MYOM3: variants seen among roughly 807,000 people sequenced by gnomAD.
The protein encoded by MYOM3 is myomesin 3.
MYOM3 carries 155 observed loss-of-function variants against 191.7 expected under a neutral mutation model. The observed-to-expected ratio is 0.81, with a 90% CI of 0.71 to 0.92. The LOEUF (loss-of-function observed/expected upper bound fraction) is 0.92. MYOM3 is among the 40% of genes least tolerant of loss of function. The pLI is 0.00. For missense variants in MYOM3, 1,889 were observed against 1,890.6 expected, an observed-to-expected ratio of 1.00 and a Z score of 0.02; for synonymous variants, 757 against 762.9, an observed-to-expected ratio of 0.99 and a Z score of 0.13.
chr1:24,081,101 G>A (rs957362638), intron 19 of MYOM3, among the ~76,000 whole-genome samples: 8 of 152,248 alleles, frequency 5.3e-5, no homozygotes, highest in African/African-American at 1.9e-4. Flanking sequence ...TTGTGCTGGG[G>A]ATACAGGGCC....
chr1:24,082,748 C>A (rs1243889025), intron 16 of MYOM3, 34 bp from the exon 17 acceptor site: 1 of 1,558,952 alleles, frequency 6.4e-7, no homozygotes. Context: ...CATGGATGTA[C>A]AAACAGCCTG....
In MYOM3 at chr1:24,081,357, A is replaced by T. The variant is rs1351215245; in HGVS notation, c.2380T>A (p.Cys794Ser). Reference sequence around the variant, plus strand: ...GGCTGGGGCATTGTCCACTCTTTGCACTCAAACAGGCTGCTGGGTGCCGAC... The same window carrying T: ...GGCTGGGGCATTGTCCACTCTTTGCTCTCAAACAGGCTGCTGGGTGCCGAC... ...ELSAPSSLFE[C>S]KEWTMPQPGP... Residue 794 changes from cysteine (C) to serine (S), a missense_variant, in exon 19 of 37, where the codon TGC becomes AGC. Coordinates refer to ENST00000374434, the MANE Select transcript of MYOM3 (RefSeq NM_152372.4). 1.2e-6 allele frequency: 2 copies of T among 1,614,058 alleles called. No individual in the cohort carries two copies. Among genetic ancestry groups the T allele is most frequent in the Non-Finnish European group, 1.7e-6 (2 of 1,180,030 alleles).
At chr1:24,103,153 C>G (rs74525863) in intron 5 of MYOM3, among the ~76,000 whole-genome samples, 4 of 152,238 alleles carry the variant, frequency 2.6e-5, no homozygotes, top group Non-Finnish European at 5.9e-5. Flanking sequence ...TCCAAGAATG[C>G]CTTCAATGTG....
chr1:24,072,750 G>A (rs576510648), intron 23 of MYOM3, among the ~76,000 whole-genome samples: 1 of 152,100 alleles, frequency 6.6e-6, no homozygotes, highest in South Asian at 2.1e-4. Flanking sequence ...GGCCAGGCTG[G>A]TCTTGAACTC....
intron 24 of MYOM3, among the ~76,000 whole-genome samples, chr1:24,071,665 T>G (rs1254462457): frequency 6.6e-6 from 1 of 152,174 alleles, no homozygotes; most frequent in Non-Finnish European, 1.5e-5. Context: ...GTACACACTG[T>G]CCCTAGCCAA....
intron 23 of MYOM3, among the ~76,000 whole-genome samples, chr1:24,072,413 C>T (rs1356554008): frequency 1.3e-5 from 2 of 152,212 alleles, no homozygotes; most frequent in Admixed American, 1.3e-4. Flanking sequence ...CCTTATTGCT[C>T]ACCCCTGTCA....
intron 20 of MYOM3, among the ~76,000 whole-genome samples, chr1:24,078,927 C>T (rs768725569): frequency 6.6e-6 from 1 of 152,158 alleles, no homozygotes; most frequent in African/African-American, 2.4e-5. Flanking sequence ...GATTTTCTTA[C>T]CTCCTGCATG....
rs755017875 is a variant in MYOM3 at position 24,108,497 on chromosome 1, C to T, written c.140G>A (p.Arg47Gln). 39 of 1,575,808 alleles carry T rather than the reference C, an allele frequency of 2.5e-5. No homozygotes were observed. The highest frequency in any genetic ancestry group is 3.4e-4 in the Middle Eastern group (2 of 5,898). Reference protein sequence around the residue: ...QHSLRMGSSVRRRTFRSSEEE... With the variant: ...QHSLRMGSSVQRRTFRSSEEE... ...CCACCTGCTGCGGAAGGTCCGCCTC[C>T]GCACAGAGGAGCCCATGCGCAGGCT... The change falls in exon 2 of 37, where the codon CGG becomes CAG. Residue 47 changes from arginine to glutamine, a missense_variant. Transcript: ENST00000374434.
At chr1:24,081,920 C>G (rs1643674118) in intron 18 of MYOM3, 81 bp downstream of exon 18, 1 of 1,363,464 alleles carries the variant, frequency 7.3e-7, no homozygotes. Context: ...CAGCCTCTGT[C>G]AGACTCCAAG....
chr1:24,074,439 C>T (rs1041588397), intron 22 of MYOM3, among the ~76,000 whole-genome samples, 170 bp from the exon 23 acceptor site: 1 of 152,204 alleles, frequency 6.6e-6, no homozygotes, highest in Non-Finnish European at 1.5e-5. Flanking sequence ...TTAGGGTCCC[C>T]TCTGGCCTGA....
chr1:24,061,395 A>G (rs368321306), intron 33 of MYOM3, 86 bp from the exon 34 acceptor site: 3 of 1,346,340 alleles, frequency 2.2e-6, no homozygotes, highest in African/African-American at 2.9e-5. Context: ...AGCAAAGCTT[A>G]TCCCTGACTG....
intron 20 of MYOM3, 121 bp from the exon 21 acceptor site, chr1:24,076,394 C>A: frequency 1.5e-6 from 1 of 674,242 alleles, no homozygotes; most frequent in Non-Finnish European, 2.7e-6. Flanking sequence ...TGTCCCTCAT[C>A]TTTCCATGTG....
chr1:24,089,645 G>T lies in MYOM3; in HGVS notation c.1507C>A (p.Pro503Thr), dbSNP rs374303524. The T allele has an allele frequency of 1.3e-6, 2 of 1,587,718 alleles. No individual in the cohort carries two copies. Among genetic ancestry groups the T allele is most frequent in the African/African-American group, 2.7e-5 (2 of 74,664 alleles). Reference sequence around the variant, plus strand: ...TCGCTGGCATGGACATTGGTTGGCGGTGAGGGGATGGTCACAGTATCTGAA... The same window carrying T: ...TCGCTGGCATGGACATTGGTTGGCGTTGAGGGGATGGTCACAGTATCTGAA... ...AFEDTVTIPS[P>T]PTNVHASEIR... The change falls in exon 14 of 37, where the codon CCG becomes ACG. Residue 503 changes from proline (P) to threonine (T), a missense_variant. By Grantham distance (38) the Pro-to-Thr change is conservative. Coordinates refer to ENST00000374434, the MANE Select transcript of MYOM3 (RefSeq NM_152372.4).
At chr1:24,110,248 G>T (rs2148564113) in intron 1 of MYOM3, among the ~76,000 whole-genome samples, 1 of 152,318 alleles carries the variant, frequency 6.6e-6, no homozygotes, top group South Asian at 2.1e-4. Flanking sequence ...GAAGAGGGAT[G>T]ACCGCCTGCC....
intron 6 of MYOM3, among the ~76,000 whole-genome samples, chr1:24,098,551 G>A (rs575244523): frequency 3.3e-5 from 5 of 152,198 alleles, no homozygotes; most frequent in Non-Finnish European, 7.3e-5. Context: ...TCCATCCCAG[G>A]GGCACCCTGG....
At chr1:24,105,760 A>C (rs1164308081) in intron 5 of MYOM3, among the ~76,000 whole-genome samples, 160 bp downstream of exon 5, 1 of 152,192 alleles carries the variant, frequency 6.6e-6, no homozygotes, top group Non-Finnish European at 1.5e-5. Flanking sequence ...TCTAAAAAAA[A>C]TAACCCAGGC....
intron 5 of MYOM3, 78 bp from the exon 6 acceptor site, chr1:24,099,853 C>G: frequency 1.9e-6 from 2 of 1,037,586 alleles, no homozygotes. Flanking sequence ...ATGGGGATTC[C>G]AGCTGCAGGT....
At chr1:24,066,376 A>T (rs868731364) in intron 28 of MYOM3, 5 of 625,664 alleles carry the variant, frequency 8.0e-6, no homozygotes, top group African/African-American at 5.5e-5. Flanking sequence ...GCCCACAGAG[A>T]CCACTTCATC....
chr1:24,066,659 C>T (rs573485519), intron 28 of MYOM3: 50 of 353,056 alleles, frequency 1.4e-4, no homozygotes, highest in Middle Eastern at 8.3e-4. Context: ...GATTGTGAGG[C>T]GGATGAAATA....
Sources: gnomAD v4.1 joint callset for allele counts (sites outside exome capture counted in the v4.1 genomes callset) on GRCh38, gnomAD v4.1.1 for gene constraint, MANE v1.5 for transcripts, NCBI Gene and HGNC (gene_info 2026-07-23, HGNC 2026-07-21) for gene names.